GRM5: variants seen among roughly 807,000 people sequenced by gnomAD.
GRM5 encodes glutamate metabotropic receptor 5, also known as metabotropic glutamate receptor 5.
Under a neutral mutation model 83.1 loss-of-function variants are expected in GRM5, and 19 were observed. The observed-to-expected ratio is 0.23, with a 90% CI of 0.16 to 0.34. GRM5 has a LOEUF of 0.34. GRM5 is among the 10% of genes least tolerant of loss of function. GRM5 has a pLI of 1.00. For missense variants in GRM5, 1,160 were observed against 1,588.3 expected, an observed-to-expected ratio of 0.73 and a Z score of 4.58; for synonymous variants, 675 against 633.6, an observed-to-expected ratio of 1.07 and a Z score of -0.98.
At chr11:88,966,571 A>G (rs1938970608) in intron 2 of GRM5, among the ~76,000 whole-genome samples, 1 of 152,144 alleles carries the variant, frequency 6.6e-6, no homozygotes, top group Non-Finnish European at 1.5e-5. Context: ...TATATCCACA[A>G]ATTTGACAAG....
At chr11:88,794,692 G>T (rs1943241050) in intron 3 of GRM5, among the ~76,000 whole-genome samples, 1 of 152,118 alleles carries the variant, frequency 6.6e-6, no homozygotes, top group African/African-American at 2.4e-5. Context: ...ATATTAAATA[G>T]CTTCAAACCT....
chr11:88,826,709 G>C (rs1281744897), intron 3 of GRM5, among the ~76,000 whole-genome samples: 2 of 152,068 alleles, frequency 1.3e-5, no homozygotes, highest in Non-Finnish European at 2.9e-5. Context: ...TAAGGAATTA[G>C]TACTGTTATG....
intron 3 of GRM5, among the ~76,000 whole-genome samples, chr11:88,755,961 A>T (rs1185031585): frequency 1.3e-5 from 2 of 152,136 alleles, no homozygotes; most frequent in African/African-American, 2.4e-5. Context: ...AGCCAAAAAA[A>T]TATGACTCTA....
At chr11:88,911,687 G>A (rs1213957537) in intron 2 of GRM5, among the ~76,000 whole-genome samples, 3 of 152,042 alleles carry the variant, frequency 2.0e-5, no homozygotes, top group Non-Finnish European at 2.9e-5. Context: ...TTCCTTATTC[G>A]TAAATTGAGC....
intron 3 of GRM5, among the ~76,000 whole-genome samples, chr11:88,840,339 C>T (rs1157584394): frequency 6.6e-6 from 1 of 152,186 alleles, no homozygotes; most frequent in Non-Finnish European, 1.5e-5. Flanking sequence ...ACTTCTTCAA[C>T]ATCATCTTCC....
At chr11:88,629,899 C>T (rs1305946761) in intron 4 of GRM5, among the ~76,000 whole-genome samples, 2 of 152,190 alleles carry the variant, frequency 1.3e-5, no homozygotes, top group Admixed American at 1.3e-4. Context: ...CACAGTGGCC[C>T]ACACAGCTTT....
At chr11:88,614,734 C>T (rs1235141383) in intron 4 of GRM5, among the ~76,000 whole-genome samples, 2 of 152,144 alleles carry the variant, frequency 1.3e-5, no homozygotes, top group African/African-American at 4.8e-5. Flanking sequence ...ACAAGATAGA[C>T]CTGCACAGCA....
At chr11:89,044,700 T>G (rs189311214) in intron 2 of GRM5, among the ~76,000 whole-genome samples, 145 of 152,240 alleles carry the variant, frequency 9.5e-4, no homozygotes, top group African/African-American at 3.0e-3. Flanking sequence ...ATTATAAGAA[T>G]ATGAAGATAA....
intron 4 of GRM5, among the ~76,000 whole-genome samples, chr11:88,638,133 C>T (rs902850921): frequency 2.4e-5 from 3 of 125,818 alleles, no homozygotes; most frequent in Admixed American, 1.0e-4. Flanking sequence ...GGAAGGGGAA[C>T]ATCACACTCT....
At chr11:88,832,697 A>G (rs1043401840) in intron 3 of GRM5, among the ~76,000 whole-genome samples, 11 of 152,194 alleles carry the variant, frequency 7.2e-5, no homozygotes, top group Non-Finnish European at 1.0e-4. Context: ...GAGACATCAC[A>G]CTACCTGACT....
At chr11:88,890,115 A>T (rs1451508283) in intron 2 of GRM5, among the ~76,000 whole-genome samples, 1 of 151,568 alleles carries the variant, frequency 6.6e-6, no homozygotes, top group Non-Finnish European at 1.5e-5. Context: ...ATATGGAAAC[A>T]TCCCCACATC....
At chr11:88,809,799 G>A (rs1943559426) in intron 3 of GRM5, among the ~76,000 whole-genome samples, 1 of 151,802 alleles carries the variant, frequency 6.6e-6, no homozygotes, top group South Asian at 2.1e-4. Flanking sequence ...GATTCTTCAG[G>A]AATATGGTTG....
chr11:88,684,361 A>G (rs992983247), intron 3 of GRM5, among the ~76,000 whole-genome samples: 1 of 152,248 alleles, frequency 6.6e-6, no homozygotes, highest in Admixed American at 6.5e-5. Context: ...AGAGGATCTA[A>G]AATGAAATTA....
intron 2 of GRM5, among the ~76,000 whole-genome samples, chr11:88,958,946 G>A (rs775974880): frequency 6.6e-6 from 1 of 152,016 alleles, no homozygotes; most frequent in African/African-American, 2.4e-5. Flanking sequence ...TAAAAAGTTT[G>A]CAAAGTGTCA....
intron 7 of GRM5, among the ~76,000 whole-genome samples, chr11:88,570,550 A>AATATATATATATATATATATATAT (rs199551301): frequency 3.2e-4 from 23 of 71,956 alleles, no homozygotes; most frequent in African/African-American, 8.2e-4. Flanking sequence ...AAGTATTAAT[A>AATATATATATATATATATATATAT]ATATATATAT....
At chr11:88,771,143 T>G (rs1310300362) in intron 3 of GRM5, among the ~76,000 whole-genome samples, 1 of 152,072 alleles carries the variant, frequency 6.6e-6, no homozygotes, top group Non-Finnish European at 1.5e-5. Flanking sequence ...TCGAGTATGG[T>G]AGCTTCTAGC....
chr11:89,057,731 T>C (rs1941907859), intron 1 of GRM5, among the ~76,000 whole-genome samples: 1 of 152,154 alleles, frequency 6.6e-6, no homozygotes, highest in Admixed American at 6.6e-5. Flanking sequence ...GGTATACCTC[T>C]GAAGACTGTA....
intron 7 of GRM5, among the ~76,000 whole-genome samples, chr11:88,577,660 A>G (rs1943140936): frequency 6.6e-6 from 1 of 152,124 alleles, no homozygotes; most frequent in South Asian, 2.1e-4. Context: ...ATCTATTTTC[A>G]GTTAAGGAAA....
At chr11:88,839,613 A>G (rs992206469) in intron 3 of GRM5, among the ~76,000 whole-genome samples, 3 of 152,196 alleles carry the variant, frequency 2.0e-5, no homozygotes, top group African/African-American at 7.2e-5. Flanking sequence ...ATGATTATAA[A>G]TTACATCTTT....
Sources: allele counts gnomAD v4.1 joint callset (sites outside exome capture counted in the v4.1 genomes callset), GRCh38; gene constraint gnomAD v4.1.1; transcripts MANE v1.5; gene names NCBI Gene and HGNC (gene_info 2026-07-23, HGNC 2026-07-21).